WDSUB1: variants seen among roughly 807,000 people sequenced by gnomAD.
WDSUB1 encodes WD repeat, sterile alpha motif and U-box domain containing 1, also known as WD repeat, SAM and U-box domain-containing protein 1.
A neutral mutation model predicts 53.9 loss-of-function variants in WDSUB1; 49 were observed. The observed-to-expected ratio is 0.91, with a 90% CI of 0.72 to 1.15. The LOEUF is 1.15. Among genes scored for constraint, WDSUB1 ranks in the 50% most tolerant of loss-of-function variants. The pLI is 0.00. For synonymous variants in WDSUB1, 194 were observed against 200.6 expected (o/e 0.97, Z 0.28); for missense variants, 514 against 562.0 (o/e 0.91, Z 0.86).
intron 9 of WDSUB1, among the ~76,000 whole-genome samples, chr2:159,248,896 A>T (rs1207753720): frequency 6.6e-6 from 1 of 152,202 alleles, no homozygotes; most frequent in Non-Finnish European, 1.5e-5. Flanking sequence ...GTGAGCCACC[A>T]CAGCCAGCCA....
chr2:159,272,118 G>A (rs900759829), intron 4 of WDSUB1, among the ~76,000 whole-genome samples: 4 of 152,214 alleles, frequency 2.6e-5, no homozygotes, highest in Non-Finnish European at 4.4e-5. Flanking sequence ...CCCAAGCAGC[G>A]TTTCAGCCCG....
At chr2:159,241,492 G>A (rs2060645313) in intron 10 of WDSUB1, among the ~76,000 whole-genome samples, 1 of 148,912 alleles carries the variant, frequency 6.7e-6, no homozygotes, top group African/African-American at 2.6e-5. Context: ...AACCCAGGAG[G>A]TAGAGGTCTC....
intron 5 of WDSUB1, among the ~76,000 whole-genome samples, chr2:159,267,961 T>C (rs2061377326): frequency 6.6e-6 from 1 of 152,318 alleles, no homozygotes; most frequent in East Asian, 1.9e-4. Context: ...AGCAACACCA[T>C]ATACCCAAAA....
At chr2:159,270,148 T>C (rs2061420141) in intron 5 of WDSUB1, among the ~76,000 whole-genome samples, 2 of 152,200 alleles carry the variant, frequency 1.3e-5, no homozygotes, top group South Asian at 4.1e-4. Flanking sequence ...TTTCCTTATA[T>C]TGGCCACATC....
At chr2:159,246,937 T>C (rs2060811307) in intron 10 of WDSUB1, among the ~76,000 whole-genome samples, 1 of 152,166 alleles carries the variant, frequency 6.6e-6, no homozygotes, top group Admixed American at 6.5e-5. Context: ...AAACTAAAAT[T>C]TGAGACCTGT....
chr2:159,240,701 G>A (rs2060621792), intron 10 of WDSUB1, among the ~76,000 whole-genome samples: 1 of 152,130 alleles, frequency 6.6e-6, no homozygotes, highest in Non-Finnish European at 1.5e-5. Context: ...AGGAAACTGA[G>A]GTATGGCCTG....
intron 5 of WDSUB1, among the ~76,000 whole-genome samples, chr2:159,262,428 A>G (rs2061246434): frequency 6.6e-6 from 1 of 152,050 alleles, no homozygotes; most frequent in South Asian, 2.1e-4. Context: ...GGGCAGTGGA[A>G]TAAGTTCACT....
intron 4 of WDSUB1, among the ~76,000 whole-genome samples, chr2:159,274,610 C>T (rs1301983567): frequency 2.0e-5 from 3 of 152,160 alleles, no homozygotes; most frequent in Admixed American, 6.5e-5. Context: ...ATACAACTGC[C>T]TGGGAAGCTC....
At chr2:159,254,241 G>T (rs1301075253) in intron 9 of WDSUB1, among the ~76,000 whole-genome samples, 1 of 152,154 alleles carries the variant, frequency 6.6e-6, no homozygotes, top group Non-Finnish European at 1.5e-5. Flanking sequence ...ATCATTAATT[G>T]ATCATTAATT....
At chr2:159,284,264 C>G (rs938823152) in intron 1 of WDSUB1, among the ~76,000 whole-genome samples, 6 of 152,206 alleles carry the variant, frequency 3.9e-5, no homozygotes, top group African/African-American at 1.4e-4. Context: ...TTCAAACTGT[C>G]AAATAACTTC....
chr2:159,257,986 C>A lies in WDSUB1; in HGVS notation c.805-1G>T. The A allele has an allele frequency of 6.2e-7, 1 of 1,612,068 alleles. No homozygotes were observed. The highest frequency in any genetic ancestry group is 8.5e-7 in the Non-Finnish European group (1 of 1,179,546). The stretch of plus-strand genomic sequence containing the variant: ...ATGTGTGAAGTATATTCTCAGTATT[C>A]TGAAAAACAATAAAAACAGCTTTAA... On this transcript the variant is annotated splice_acceptor_variant, in intron 6 of 10. Transcript: ENST00000359774. LOFTEE classifies it high-confidence loss of function.
intron 5 of WDSUB1, among the ~76,000 whole-genome samples, chr2:159,261,886 ATATATATATATTTTTTTTTTTTTTTTTT>A (rs1218095848): frequency 0.01 from 158 of 15,358 alleles, 1 homozygote; most frequent in African/African-American, 0.025. Flanking sequence ...ATATATATAT[ATATATATATATTTTTTTTTTTTTTTTTT>A]TTTTTTTTTT....
At chr2:159,284,069 C>T (rs972136975) in intron 1 of WDSUB1, among the ~76,000 whole-genome samples, 2 of 152,178 alleles carry the variant, frequency 1.3e-5, no homozygotes, top group Non-Finnish European at 2.9e-5. Context: ...ACCTCAGCCT[C>T]CCAAAGTGCT....
chr2:159,245,962 CA>C (rs1274868175), intron 10 of WDSUB1, among the ~76,000 whole-genome samples: 1 of 152,064 alleles, frequency 6.6e-6, no homozygotes, highest in African/African-American at 2.4e-5. Flanking sequence ...AAACTATGTG[CA>C]ATACATTACC....
At position 159,241,293 on chromosome 2, in the gene WDSUB1, T is replaced by G. The variant is rs569461182; in HGVS notation, c.1274-5103A>C. Among the ~76,000 whole-genome samples the G allele has an allele frequency of 5.3e-5, 8 of 152,380 alleles. No individual in the cohort carries two copies. The East Asian group carries it at 1.5e-3, about 29-fold the overall frequency. ...TGTAATTCTAACCAAAATACCACTT[T>G]GTGTTGTAACATAAGATGATTCTAA... On this transcript the variant is annotated intron_variant, in intron 10 of 10. Transcript: ENST00000359774.
intron 6 of WDSUB1, 69 bp from the exon 7 acceptor site, chr2:159,258,054 G>A: frequency 1.5e-6 from 2 of 1,373,522 alleles, no homozygotes; most frequent in Non-Finnish European, 2.1e-6. Flanking sequence ...AGACTCATTT[G>A]ACATAAATGG....
chr2:159,255,281 C>T (rs534646004), intron 9 of WDSUB1, among the ~76,000 whole-genome samples: 2 of 152,190 alleles, frequency 1.3e-5, no homozygotes, highest in East Asian at 3.9e-4. Flanking sequence ...TCCTGGCTAA[C>T]ATGGTGAAAC....
chr2:159,266,346 G>A (rs931032611), intron 5 of WDSUB1, among the ~76,000 whole-genome samples: 21 of 152,040 alleles, frequency 1.4e-4, no homozygotes, highest in Admixed American at 8.5e-4. Flanking sequence ...CCGCCACAAC[G>A]CCCGGCTAAT....
At chr2:159,272,562 A>C (rs2061465096) in intron 4 of WDSUB1, among the ~76,000 whole-genome samples, 1 of 152,206 alleles carries the variant, frequency 6.6e-6, no homozygotes, top group Non-Finnish European at 1.5e-5. Flanking sequence ...CAGTTCAACA[A>C]AGGCTAGATG....
Sources: allele counts gnomAD v4.1 joint callset (sites outside exome capture counted in the v4.1 genomes callset), GRCh38; gene constraint gnomAD v4.1.1; transcripts MANE v1.5; gene names NCBI Gene and HGNC (gene_info 2026-07-23, HGNC 2026-07-21).